Variants in FSCN3 observed in about 807,000 individuals in gnomAD.
FSCN3 encodes the protein fascin-3.
A neutral mutation model predicts 53.5 loss-of-function variants in FSCN3; 43 were observed. The ratio of observed to expected loss-of-function variants is 0.80; its 90% confidence interval spans 0.63 to 1.04. The LOEUF is 1.04. Among genes scored for constraint, FSCN3 ranks in the 50% least tolerant of loss-of-function variants. The pLI, the probability that FSCN3 is intolerant of heterozygous loss-of-function variation, is 0.00. For missense variants in FSCN3, 594 were observed against 646.5 expected, an observed-to-expected ratio of 0.92 and a Z score of 0.88; for synonymous variants, 235 against 246.6, an observed-to-expected ratio of 0.95 and a Z score of 0.44.
At chr7:127,597,547 C>T (rs536633062) in intron 3 of FSCN3, among the ~76,000 whole-genome samples, 4 of 151,130 alleles carry the variant, frequency 2.6e-5, no homozygotes, top group East Asian at 3.9e-4. Context: ...GGCTCAGTCT[C>T]GGCTCACCAC....
intron 1 of FSCN3, chr7:127,594,917 T>C: frequency 2.1e-6 from 1 of 476,872 alleles, no homozygotes; most frequent in Non-Finnish European, 4.3e-6. Context: ...ATGGAGGTAT[T>C]GGCTAAGTGT....
At position 127,602,095 on chromosome 7, in the gene FSCN3, T is replaced by C. The variant is rs1223643506; in HGVS notation, c.*473T>C. 2 of 152,158 alleles carry C rather than the reference T, an allele frequency of 1.3e-5. No homozygotes were observed. The highest frequency in any genetic ancestry group is 2.4e-5 in the African/African-American group (1 of 41,420). The allele number at this position is 152,158 out of a possible 1,614,324, so 9.4% of individuals were successfully genotyped here. On this transcript the variant is annotated 3_prime_UTR_variant, in exon 7 of 7. Transcript: ENST00000265825. Reference sequence around the variant, plus strand: ...TAATGGTAATAACACCTTATGCCTGTATAGGCCACTTTACCTCCTCCTACC... The same window carrying C: ...TAATGGTAATAACACCTTATGCCTGCATAGGCCACTTTACCTCCTCCTACC...
chr7:127,595,213 T>C, intron 1 of FSCN3, 94 bp from the exon 2 acceptor site: 1 of 1,070,178 alleles, frequency 9.3e-7, no homozygotes, highest in Non-Finnish European at 1.4e-6. Context: ...CTGATGAAGG[T>C]GCCAGGGTGA....
intron 1 of FSCN3, 72 bp downstream of exon 1, chr7:127,594,069 CGTGTGTGTGCGT>C (rs1794337811): frequency 2.1e-6 from 3 of 1,437,108 alleles, no homozygotes; most frequent in South Asian, 1.2e-5. Context: ...TGCGCGCGCG[CGTGTGTGTGCGT>C]GAGTGTATGT....
chr7:127,601,257 C>T (rs1401400068), intron 6 of FSCN3, among the ~76,000 whole-genome samples: 2 of 152,158 alleles, frequency 1.3e-5, no homozygotes, highest in Non-Finnish European at 2.9e-5. Flanking sequence ...ATCTCATCTC[C>T]GACATCCAAT....
intron 6 of FSCN3, among the ~76,000 whole-genome samples, chr7:127,601,362 C>G (rs755222649): frequency 1.3e-5 from 2 of 152,194 alleles, no homozygotes; most frequent in Non-Finnish European, 1.5e-5. Context: ...TTGTCCTGTC[C>G]CTTCCTAATG....
At chr7:127,594,395 T>A (rs1794351916) in intron 1 of FSCN3, 2 of 462,600 alleles carry the variant, frequency 4.3e-6, no homozygotes, top group African/African-American at 4.0e-5. Context: ...CAGACCCTAT[T>A]GCCCCATCTC....
chr7:127,594,677 A>C (rs1794357250), intron 1 of FSCN3: 1 of 471,164 alleles, frequency 2.1e-6, no homozygotes, highest in South Asian at 1.5e-5. Flanking sequence ...GGGGAACTCC[A>C]GAAGCCCTAG....
In FSCN3 at chr7:127,595,879, C is replaced by G. The variant is rs773637101; in HGVS notation, c.717C>G (p.Gly239=). 2.5e-6 allele frequency: 4 copies of G among 1,613,716 alleles called. No individual in the cohort carries two copies. The highest frequency in any genetic ancestry group is 3.4e-6 in the Non-Finnish European group (4 of 1,179,782). Residue 239 remains glycine (G), a synonymous_variant, in exon 2 of 7, where the codon GGC becomes GGG. Transcript: ENST00000265825. ...DGEGGMLYPQ[G]THLLLGMGCN... is the part of the protein sequence containing the mutation. ...AAGGAGGCATGTTATATCCACAGGG[C>G]ACGCATCTGCTCTTGGGCATGGGCT... is the stretch of plus-strand genomic sequence containing the variant.
At chr7:127,595,091 G>C (rs1197330431) in intron 1 of FSCN3, 4 of 600,110 alleles carry the variant, frequency 6.7e-6, no homozygotes, top group Non-Finnish European at 1.2e-5. Context: ...AGTGCCATCT[G>C]GCTGCAGGGG....
At chr7:127,594,405 C>T (rs185917822) in intron 1 of FSCN3, 66 of 465,462 alleles carry the variant, frequency 1.4e-4, no homozygotes, top group African/African-American at 1.2e-3. Flanking sequence ...TGCCCCATCT[C>T]CCACCTCTCA....
At position 127,600,293 on chromosome 7, in the gene FSCN3, TACTC is replaced by T; in HGVS notation, c.1395_1398del (p.Thr466TyrfsTer75). ...TGTATCGAGCTTCAGGGGAGCAACTTACTCACTGTACTGGCCCCCAATGGCTTCT... is the reference window on the plus strand; with the variant it reads ...TGTATCGAGCTTCAGGGGAGCAACTTACTGTACTGGCCCCCAATGGCTTCT... On this transcript the variant is annotated frameshift_variant, in exon 6 of 7. Coordinates refer to ENST00000265825, the MANE Select transcript of FSCN3 (RefSeq NM_020369.3). LOFTEE classifies it high-confidence loss of function. The T allele has an allele frequency of 6.2e-7, 1 of 1,610,096 alleles. No individual in the cohort carries two copies. Among genetic ancestry groups the T allele is most frequent in the Non-Finnish European group, 8.5e-7 (1 of 1,176,262 alleles).
intron 3 of FSCN3, 154 bp downstream of exon 3, chr7:127,596,600 CT>C: frequency 1.4e-5 from 6 of 425,772 alleles, no homozygotes; most frequent in East Asian, 6.8e-5. Flanking sequence ...ATGGGGGCTC[CT>C]TTAAAAAAAA....
chr7:127,597,700 G>A (rs920135053), intron 3 of FSCN3, among the ~76,000 whole-genome samples: 5 of 152,164 alleles, frequency 3.3e-5, no homozygotes, highest in African/African-American at 7.2e-5. Flanking sequence ...GGCTGGTCTC[G>A]AACTCCTGAC....
chr7:127,595,648 T>G lies in FSCN3; in HGVS notation c.486T>G (p.Thr162=). Residue 162 remains threonine (T), a synonymous_variant, in exon 2 of 7, where the codon ACT becomes ACG. Coordinates refer to ENST00000265825, the MANE Select transcript of FSCN3 (RefSeq NM_020369.3). ...GCTGCTATGCCCGGGCTGACCCCAC[T>G]ATGGGCCGCATCTGGGTGGACGCAG... The part of the protein sequence containing the change: ...IHRCYARADP[T]MGRIWVDAAV... The G allele has an allele frequency of 6.2e-7, 1 of 1,613,846 alleles. No homozygotes were observed. The highest frequency in any genetic ancestry group is 1.3e-5 in the African/African-American group (1 of 75,022).
In FSCN3 at chr7:127,593,753, G is replaced by A. The variant is rs531018535; in HGVS notation, c.-101G>A. 37 of 1,311,952 alleles carry A rather than the reference G, an allele frequency of 2.8e-5. No individual in the cohort carries two copies. In the African/African-American group the frequency reaches 5.3e-4, roughly 19 times the overall value. The allele number at this position is 1,311,952 out of a possible 1,614,324, so 81.3% of individuals were successfully genotyped here. On this transcript the variant is annotated 5_prime_UTR_variant, in exon 1 of 7. It adds an upstream start codon to the 5' untranslated region. Coordinates refer to ENST00000265825, the MANE Select transcript of FSCN3 (RefSeq NM_020369.3). ...GGGAAGTTCTCTCTGGGAACATCTG[G>A]TGGGTACTACAGGCCCTATTCCAGG...
chr7:127,595,200 G>T lies in FSCN3; in HGVS notation c.145-107G>T. The stretch of plus-strand genomic sequence containing the variant: ...GCTGATGTGGAAGAGGAGGTGGCTG[G>T]TGCTGATGAAGGTGCCAGGGTGATA... On this transcript the variant is annotated intron_variant, in intron 1 of 6. Coordinates refer to ENST00000265825, the MANE Select transcript of FSCN3 (RefSeq NM_020369.3). 5 of 888,818 alleles carry T rather than the reference G, an allele frequency of 5.6e-6. No homozygotes were observed. The South Asian group carries it at 8.4e-5, about 15-fold the overall frequency. 55.1% of individuals were successfully genotyped at this position (888,818 alleles called of 1,614,324 possible). A position where few individuals can be genotyped will look rare whatever the true frequency, so the allele number is the denominator to read the frequency against.
intron 3 of FSCN3, among the ~76,000 whole-genome samples, chr7:127,597,115 A>C (rs934043802): frequency 1.3e-4 from 20 of 152,222 alleles, no homozygotes; most frequent in African/African-American, 4.8e-4. Flanking sequence ...TTGTTTATCT[A>C]TTCACTTGTT....
chr7:127,597,850 G>A (rs564996549), intron 3 of FSCN3, among the ~76,000 whole-genome samples: 1 of 152,208 alleles, frequency 6.6e-6, no homozygotes, highest in Non-Finnish European at 1.5e-5. Flanking sequence ...TTTGTTACTG[G>A]GTTGTTTGTC....
Sources: gnomAD v4.1 joint callset for allele counts (sites outside exome capture counted in the v4.1 genomes callset) on GRCh38, gnomAD v4.1.1 for gene constraint, MANE v1.5 for transcripts, NCBI Gene and HGNC (gene_info 2026-07-23, HGNC 2026-07-21) for gene names.